The following AKAP6 variants were observed in gnomAD, a reference collection of about 807,000 sequenced individuals.
AKAP6 encodes A-kinase anchoring protein 6.
AKAP6 carries 58 observed loss-of-function variants against 188.5 expected under a neutral mutation model. That is an observed-to-expected ratio of 0.31 (90% CI 0.25 to 0.38). AKAP6 has a LOEUF of 0.38. Among genes scored for constraint, AKAP6 ranks in the 10% least tolerant of loss-of-function variants. AKAP6 has a pLI of 1.00. For missense variants in AKAP6, 2,710 were observed against 2,740.0 expected, an observed-to-expected ratio of 0.99 and a Z score of 0.24; for synonymous variants, 989 against 998.6, an observed-to-expected ratio of 0.99 and a Z score of 0.18.
intron 13 of AKAP6, among the ~76,000 whole-genome samples, chr14:32,827,269 C>G (rs939058449): frequency 5.3e-5 from 8 of 151,462 alleles, no homozygotes; most frequent in African/African-American, 1.9e-4. Context: ...AAAAGCTGTG[C>G]TTTTTAAAGA....
In AKAP6 at chr14:32,484,274, A is replaced by G; in HGVS notation, c.324+50457A>G. ...GAAAAGGGGTGTTTGGTATTGGGTT[A>G]TGGCAGGGGGTTTTATATTAATGAT... On this transcript the variant is annotated intron_variant, in intron 2 of 13. Transcript: ENST00000280979. 2 of 114,846 alleles carry G rather than the reference A, an allele frequency of 1.7e-5. 1 individual carries two copies. Among genetic ancestry groups the G allele is most frequent in the Non-Finnish European group, 2.6e-5 (2 of 76,850 alleles). The allele number at this position is 114,846 out of a possible 1,614,324, so 7.1% of individuals were successfully genotyped here. A position where few individuals can be genotyped will look rare whatever the true frequency, so the allele number is the denominator to read the frequency against.
chr14:32,502,143 A>G (rs1880638250), intron 2 of AKAP6, among the ~76,000 whole-genome samples: 1 of 152,172 alleles, frequency 6.6e-6, no homozygotes, highest in Non-Finnish European at 1.5e-5. Context: ...AGTCTGTTCA[A>G]TTGAAGTTTT....
intron 1 of AKAP6, among the ~76,000 whole-genome samples, chr14:32,336,421 A>T (rs1886704391): frequency 6.6e-6 from 1 of 152,186 alleles, no homozygotes; most frequent in Non-Finnish European, 1.5e-5. Flanking sequence ...TAATTTCACC[A>T]GTAGTCAACA....
chr14:32,546,682 G>T lies in AKAP6; in HGVS notation c.2029G>T (p.Asp677Tyr), dbSNP rs183536964. Residue 677 changes from aspartate (D) to tyrosine (Y), a missense_variant, in exon 4 of 14, where the codon GAT becomes TAT. This residue lies in a region of AKAP6 where 2,473 missense variants were observed against 2,426.1 expected (regional missense o/e 1.02). Transcript: ENST00000280979. ...CTGGGAACTGTCTGAAATGAATTCAGATTCTGAAATCTATCCAACCTATCA... is the reference window on the plus strand; with the variant it reads ...CTGGGAACTGTCTGAAATGAATTCATATTCTGAAATCTATCCAACCTATCA... ...DDWELSEMNS[D>Y]SEIYPTYHVK... is the part of the protein sequence containing the mutation. The T allele has an allele frequency of 3.3e-5, 54 of 1,614,088 alleles. No homozygotes were observed. Among genetic ancestry groups the T allele is most frequent in the Non-Finnish European group, 4.6e-5 (54 of 1,180,016 alleles).
intron 2 of AKAP6, among the ~76,000 whole-genome samples, chr14:32,448,717 A>T (rs566992962): frequency 6.6e-6 from 1 of 152,150 alleles, no homozygotes; most frequent in South Asian, 2.1e-4. Flanking sequence ...ATATCAAGAG[A>T]CCCTTTGAAA....
At chr14:32,534,239 A>G (rs35514174) in intron 2 of AKAP6, among the ~76,000 whole-genome samples, 29,457 of 152,190 alleles carry the variant, frequency 0.19, 3,028 homozygotes, top group Admixed American at 0.28. Context: ...CTCAGAACTC[A>G]AATGCTATCT....
chr14:32,752,511 A>G (rs2032176548), intron 11 of AKAP6, among the ~76,000 whole-genome samples: 1 of 152,216 alleles, frequency 6.6e-6, no homozygotes, highest in African/African-American at 2.4e-5. Context: ...TAACAGACAA[A>G]TAAGAATTGA....
intron 13 of AKAP6, among the ~76,000 whole-genome samples, chr14:32,827,271 T>C (rs1335999279): frequency 6.6e-6 from 1 of 152,102 alleles, no homozygotes; most frequent in Non-Finnish European, 1.5e-5. Context: ...AAGCTGTGCT[T>C]TTTAAAGACA....
At chr14:32,773,107 C>A (rs1000832013) in intron 11 of AKAP6, among the ~76,000 whole-genome samples, 1 of 152,056 alleles carries the variant, frequency 6.6e-6, no homozygotes, top group African/African-American at 2.4e-5. Context: ...TCTTAATTTT[C>A]GCTTTCAGAA....
chr14:32,631,253 A>G (rs1887261674), intron 7 of AKAP6, among the ~76,000 whole-genome samples: 1 of 152,034 alleles, frequency 6.6e-6, no homozygotes, highest in South Asian at 2.1e-4. Flanking sequence ...TATAAGATTA[A>G]GATTAGCACC....
chr14:32,496,785 T>G (rs1880341377), intron 2 of AKAP6, among the ~76,000 whole-genome samples: 1 of 152,148 alleles, frequency 6.6e-6, no homozygotes, highest in African/African-American at 2.4e-5. Context: ...AACCTAGTTA[T>G]TTAATGAACA....
At chr14:32,540,148 C>CTG (rs1315912266) in intron 3 of AKAP6, among the ~76,000 whole-genome samples, 1 of 113,138 alleles carries the variant, frequency 8.8e-6, no homozygotes, top group African/African-American at 4.1e-5. Flanking sequence ...CTCTCTCTCT[C>CTG]TCTCTCTCTC....
At chr14:32,423,364 G>A (rs1191720125) in intron 1 of AKAP6, among the ~76,000 whole-genome samples, 2 of 151,914 alleles carry the variant, frequency 1.3e-5, no homozygotes, top group Non-Finnish European at 2.9e-5. Flanking sequence ...TGTGTGTGTG[G>A]AGATGGGGTT....
In AKAP6 at chr14:32,515,840, C is replaced by T. The variant is rs149727179; in HGVS notation, c.325-19714C>T. Among the ~76,000 whole-genome samples the T allele has an allele frequency of 5.9e-5, 9 of 152,290 alleles. No individual in the cohort carries two copies. The East Asian group carries it at 1.5e-3, about 26-fold the overall frequency. On this transcript the variant is annotated intron_variant, in intron 2 of 13. Transcript: ENST00000280979. ...ATTAAGACTTCATTTACATGTGGTACTAAACTCTGTGAAGCAAAATAGACA... is the reference window on the plus strand; with the variant it reads ...ATTAAGACTTCATTTACATGTGGTATTAAACTCTGTGAAGCAAAATAGACA...
chr14:32,833,113 C>T lies in AKAP6; in HGVS notation c.*3308C>T, dbSNP rs1396779392. The T allele has an allele frequency of 6.6e-6, 1 of 152,202 alleles. No homozygotes were observed. Among genetic ancestry groups the T allele is most frequent in the African/African-American group, 2.4e-5 (1 of 41,438 alleles). The allele number at this position is 152,202 out of a possible 1,614,324, so 9.4% of individuals were successfully genotyped here. On this transcript the variant is annotated 3_prime_UTR_variant, in exon 14 of 14. Coordinates refer to ENST00000280979, the MANE Select transcript of AKAP6 (RefSeq NM_004274.5). ...GTGCCTAAGTCATCTGGAATCTTCT[C>T]CTTACATCGAATACAAACCTAACCT...
chr14:32,776,723 G>T (rs1409772811), intron 12 of AKAP6, among the ~76,000 whole-genome samples: 1 of 152,058 alleles, frequency 6.6e-6, no homozygotes, highest in Admixed American at 6.6e-5. Flanking sequence ...GTAGCTGAGT[G>T]TTATGTTTCT....
chr14:32,721,161 A>G (rs768740811), intron 9 of AKAP6, among the ~76,000 whole-genome samples: 13 of 152,212 alleles, frequency 8.5e-5, no homozygotes, highest in Non-Finnish European at 1.8e-4. Flanking sequence ...TAGAGTAGTC[A>G]TGATGTATTA....
chr14:32,629,698 A>G (rs1463866054), intron 7 of AKAP6, among the ~76,000 whole-genome samples: 1 of 147,086 alleles, frequency 6.8e-6, no homozygotes, highest in Admixed American at 6.8e-5. Context: ...TTTTTTGGTC[A>G]GGAAGCCAGA....
intron 2 of AKAP6, among the ~76,000 whole-genome samples, chr14:32,486,677 A>G (rs185501987): frequency 4.6e-5 from 7 of 152,272 alleles, no homozygotes; most frequent in African/African-American, 1.7e-4. Flanking sequence ...GTATCCTGAG[A>G]CTTTGCTGAA....
Sources: allele counts gnomAD v4.1 joint callset (sites outside exome capture counted in the v4.1 genomes callset), GRCh38; gene constraint gnomAD v4.1.1; regional missense constraint gnomAD v4.1.1; transcripts MANE v1.5; gene names NCBI Gene and HGNC (gene_info 2026-07-23, HGNC 2026-07-21).